Variants in CNTN5 observed in about 807,000 individuals in gnomAD.
The protein encoded by CNTN5 is contactin 5.
CNTN5 carries 77 observed loss-of-function variants against 129.1 expected under a neutral mutation model. The observed-to-expected ratio is 0.60, with a 90% CI of 0.50 to 0.72. The LOEUF (loss-of-function observed/expected upper bound fraction) is 0.72. CNTN5 is among the 30% of genes least tolerant of loss of function. CNTN5 has a pLI of 0.00. For missense variants in CNTN5, 1,478 were observed against 1,328.8 expected, an observed-to-expected ratio of 1.11 and a Z score of -1.75; for synonymous variants, 509 against 465.6, an observed-to-expected ratio of 1.09 and a Z score of -1.20.
At chr11:99,168,036 A>T (rs918030961) in intron 1 of CNTN5, among the ~76,000 whole-genome samples, 2 of 151,950 alleles carry the variant, frequency 1.3e-5, no homozygotes, top group Non-Finnish European at 2.9e-5. Flanking sequence ...CCTGTACTCA[A>T]AGGATTCCCC....
At chr11:100,084,876 T>C (rs139695648) in intron 13 of CNTN5, among the ~76,000 whole-genome samples, 2 of 152,230 alleles carry the variant, frequency 1.3e-5, no homozygotes, top group Non-Finnish European at 2.9e-5. Flanking sequence ...CCTTTCTTTC[T>C]CTACCCTCTG....
At chr11:100,218,969 G>A (rs1949202305) in intron 15 of CNTN5, among the ~76,000 whole-genome samples, 1 of 152,110 alleles carries the variant, frequency 6.6e-6, no homozygotes, top group Admixed American at 6.5e-5. Flanking sequence ...TCACAAAGAG[G>A]ATATAAAGAC....
rs115972088 is a variant in CNTN5 at position 99,802,935 on chromosome 11, C to T, written c.56-16609C>T. ...GCTCAGGCTGCCAATCCTGGTGAGC[C>T]GGTGTTTTGAACACCTGGAGACCTG... On this transcript the variant is annotated intron_variant, in intron 3 of 24. Coordinates refer to ENST00000524871, the MANE Select transcript of CNTN5 (RefSeq NM_014361.4). Among the ~76,000 whole-genome samples the T allele has an allele frequency of 7.2e-3, 1,088 of 152,122 alleles. 21 individuals carry two copies. Among genetic ancestry groups the T allele is most frequent in the African/African-American group, 0.025 (1,034 of 41,508 alleles).
At chr11:100,059,560 T>A (rs146262401) in intron 9 of CNTN5, among the ~76,000 whole-genome samples, 44 of 152,076 alleles carry the variant, frequency 2.9e-4, no homozygotes, top group African/African-American at 9.9e-4. Flanking sequence ...TTCACAGAAA[T>A]GCAAATGCAA....
At chr11:99,900,851 A>G (rs1319575127) in intron 6 of CNTN5, among the ~76,000 whole-genome samples, 1 of 151,798 alleles carries the variant, frequency 6.6e-6, no homozygotes, top group East Asian at 1.9e-4. Flanking sequence ...TTACATCTTA[A>G]TACTCCCTTT....
In CNTN5 at chr11:100,080,248, C is replaced by T. The variant is rs528242866; in HGVS notation, c.1580+5954C>T. ...TAATTCAAACTGGTGCTTAAGAAAT[C>T]CTGCATACAAAAAAAATAAAATTAT... On this transcript the variant is annotated intron_variant, in intron 13 of 24. Transcript: ENST00000524871. Among the ~76,000 whole-genome samples, 22 of 152,072 alleles carry T rather than the reference C, an allele frequency of 1.4e-4. No individual in the cohort carries two copies. In the South Asian group the frequency reaches 4.4e-3, roughly 30 times the overall value.
At chr11:99,089,650 G>C (rs1866157270) in intron 1 of CNTN5, among the ~76,000 whole-genome samples, 1 of 152,186 alleles carries the variant, frequency 6.6e-6, no homozygotes, top group Non-Finnish European at 1.5e-5. Flanking sequence ...TTAGCAACTT[G>C]TGTTACCATG....
chr11:99,761,548 G>A (rs1190788636), intron 3 of CNTN5, among the ~76,000 whole-genome samples: 1 of 151,748 alleles, frequency 6.6e-6, no homozygotes, highest in East Asian at 1.9e-4. Flanking sequence ...AGTTTACTGA[G>A]AATGATGATT....
chr11:99,944,665 T>G (rs1188297412), intron 7 of CNTN5, among the ~76,000 whole-genome samples: 1 of 152,050 alleles, frequency 6.6e-6, no homozygotes, highest in Non-Finnish European at 1.5e-5. Context: ...TTCAGCTAAG[T>G]CTCAGGATAC....
At chr11:99,393,276 C>T (rs1941357286) in intron 2 of CNTN5, among the ~76,000 whole-genome samples, 1 of 151,658 alleles carries the variant, frequency 6.6e-6, no homozygotes, top group South Asian at 2.1e-4. Flanking sequence ...ACTGGAAAAG[C>T]TGGAGAAAAA....
rs149126727 is a variant in CNTN5 at position 99,367,343 on chromosome 11, G to GT, written c.-71+41869dup. Among the ~76,000 whole-genome samples, 1,513 of 149,084 alleles carry GT rather than the reference G, an allele frequency of 0.01. 93 individuals are homozygous for GT. The East Asian group carries it at 0.17, about 17-fold the overall frequency. ...CATGAAATTTAAATGGTTTGAAACA[G>GT]TTTTTTTTTTAAAGAAACATTAAAA... On this transcript the variant is annotated intron_variant, in intron 2 of 24. Transcript: ENST00000524871.
intron 18 of CNTN5, among the ~76,000 whole-genome samples, chr11:100,288,793 C>A (rs1166349772): frequency 6.6e-6 from 1 of 152,104 alleles, no homozygotes; most frequent in African/African-American, 2.4e-5. Context: ...ACACAAAAAA[C>A]CCTTCCAAAA....
At chr11:99,203,671 C>G (rs1269466460) in intron 1 of CNTN5, among the ~76,000 whole-genome samples, 1 of 151,868 alleles carries the variant, frequency 6.6e-6, no homozygotes, top group African/African-American at 2.4e-5. Flanking sequence ...CTCACTGCAA[C>G]CTCTGCCTTC....
intron 1 of CNTN5, among the ~76,000 whole-genome samples, chr11:99,171,513 T>C (rs1262198519): frequency 2.6e-5 from 4 of 152,210 alleles, no homozygotes; most frequent in Non-Finnish European, 4.4e-5. Context: ...TTTTAACCAC[T>C]GTTCCCCATA....
chr11:100,149,104 C>T (rs1333347096), intron 13 of CNTN5, among the ~76,000 whole-genome samples: 2 of 152,158 alleles, frequency 1.3e-5, no homozygotes, highest in Non-Finnish European at 2.9e-5. Context: ...CTAAAGATGA[C>T]AATTTGACAT....
chr11:99,171,628 G>A (rs1366014429), intron 1 of CNTN5, among the ~76,000 whole-genome samples: 4 of 152,118 alleles, frequency 2.6e-5, no homozygotes, highest in South Asian at 2.1e-4. Flanking sequence ...GAAGTGCTTC[G>A]AAAGAATTAC....
At chr11:99,574,921 G>A (rs746410530) in intron 3 of CNTN5, among the ~76,000 whole-genome samples, 1 of 152,066 alleles carries the variant, frequency 6.6e-6, no homozygotes, top group African/African-American at 2.4e-5. Context: ...AGTCAGAAAT[G>A]ACTTCTTTTA....
At chr11:99,489,598 CT>C (rs2135344541) in intron 2 of CNTN5, among the ~76,000 whole-genome samples, 1 of 152,262 alleles carries the variant, frequency 6.6e-6, no homozygotes, top group African/African-American at 2.4e-5. Context: ...TTTGTTGTCA[CT>C]TGGAGTCCCT....
intron 9 of CNTN5, among the ~76,000 whole-genome samples, chr11:100,011,938 C>A (rs1001336957): frequency 1.3e-5 from 2 of 152,080 alleles, no homozygotes; most frequent in Non-Finnish European, 2.9e-5. Context: ...CCTGGAAGAA[C>A]CTGCTCTTTA....
Sources: gnomAD v4.1 joint callset for allele counts (sites outside exome capture counted in the v4.1 genomes callset) on GRCh38, gnomAD v4.1.1 for gene constraint, MANE v1.5 for transcripts, NCBI Gene and HGNC (gene_info 2026-07-23, HGNC 2026-07-21) for gene names.